LEPROTL1: variants seen among roughly 807,000 people sequenced by gnomAD.
The protein encoded by LEPROTL1 is leptin receptor overlapping transcript-like 1.
In LEPROTL1, 6 loss-of-function variants were observed where a neutral mutation model predicts 15.4. That is an observed-to-expected ratio of 0.39 (90% CI 0.21 to 0.77). The LOEUF (loss-of-function observed/expected upper bound fraction) is 0.77, where lower values mean the gene tolerates loss of function less well. Ranked by LOEUF, LEPROTL1 falls within the 30% of genes least tolerant of loss-of-function variation. The pLI is 0.41. For synonymous variants in LEPROTL1, 56 were observed against 52.6 expected, an observed-to-expected ratio of 1.06 and a Z score of -0.28; for missense variants, 128 against 158.1, an observed-to-expected ratio of 0.81 and a Z score of 1.02.
chr8:30,112,421 T>TTTTTTTTTTTG (rs1802668071), downstream of LEPROTL1, among the ~76,000 whole-genome samples: 1 of 133,180 alleles, frequency 7.5e-6, no homozygotes, highest in Non-Finnish European at 1.6e-5. Flanking sequence ...TTTTTTTTTT[T>TTTTTTTTTTTG]TTTTTTTTTT....
intron 3 of LEPROTL1, among the ~76,000 whole-genome samples, chr8:30,130,171 A>G (rs547506395): frequency 2.8e-4 from 43 of 152,324 alleles, no homozygotes; most frequent in Middle Eastern, 3.4e-3. Flanking sequence ...AAGCTGAGAT[A>G]CCTGTACAGT....
intron 1 of LEPROTL1, among the ~76,000 whole-genome samples, chr8:30,101,561 A>G (rs1439473575): frequency 1.3e-5 from 2 of 151,312 alleles, no homozygotes; most frequent in African/African-American, 4.9e-5. Context: ...CAGCTTACTC[A>G]GGAGGCTGAG....
In LEPROTL1 at chr8:30,108,184, C is replaced by T; in HGVS notation, c.*2322C>T. On this transcript the variant is annotated 3_prime_UTR_variant, in exon 4 of 4. Transcript: ENST00000321250. The stretch of plus-strand genomic sequence containing the variant: ...TGACATTGGTGTAATGTTAGAGTTG[C>T]AGAAGTTTCCATTCCAAAATAAAAT... 2 of 213,056 alleles carry T rather than the reference C, an allele frequency of 9.4e-6. No individual in the cohort carries two copies. The highest frequency in any genetic ancestry group is 1.6e-5 in the Non-Finnish European group (2 of 123,696). The allele number at this position is 213,056 out of a possible 1,614,324, so 13.2% of individuals were successfully genotyped here.
At chr8:30,111,443 G>T (rs188008044), downstream of LEPROTL1, among the ~76,000 whole-genome samples, 5 of 152,284 alleles carry the variant, frequency 3.3e-5, no homozygotes, top group East Asian at 3.9e-4. Context: ...GAAATGTCCA[G>T]TGTATTAGGT....
chr8:30,137,355 A>G, exon 5 of LEPROTL1: 1 of 1,551,682 alleles, frequency 6.4e-7, no homozygotes, highest in Non-Finnish European at 8.7e-7. Flanking sequence ...TGCCTCTCCC[A>G]GCAGCCGCCA....
intron 4 of LEPROTL1, chr8:30,137,173 C>T: frequency 1.1e-6 from 1 of 926,042 alleles, no homozygotes; most frequent in Non-Finnish European, 1.7e-6. Flanking sequence ...CATGAGATCT[C>T]CAGATCACAA....
chr8:30,133,514 CATCTTCCATCCTGAA>C (rs1314526505), intron 4 of LEPROTL1, among the ~76,000 whole-genome samples: 2 of 152,146 alleles, frequency 1.3e-5, no homozygotes, highest in African/African-American at 4.8e-5. Context: ...AGATCCATCC[CATCTTCCATCCTGAA>C]ATCTTCCATC....
intron 4 of LEPROTL1, among the ~76,000 whole-genome samples, chr8:30,136,175 G>T (rs1446515640): frequency 6.6e-6 from 1 of 152,132 alleles, no homozygotes; most frequent in Non-Finnish European, 1.5e-5. Flanking sequence ...TCTAACCCCA[G>T]TACCTCAGAA....
chr8:30,101,953 A>T lies in LEPROTL1; in HGVS notation c.72A>T (p.Gly24=). 6.2e-7 allele frequency: 1 copy of T among 1,607,330 alleles called. No homozygotes were observed. Among genetic ancestry groups the T allele is most frequent in the Non-Finnish European group, 8.5e-7 (1 of 1,175,080 alleles). ...TCGGACTGATGTTTTTGATGCTTGG[A>T]TGTGCCCTTCCAATATACAAGTATG... is the stretch of plus-strand genomic sequence containing the variant. ...GAIGLMFLML[G]CALPIYNKYW... is the part of the protein sequence containing the mutation. The change falls in exon 2 of 4, where the codon GGA becomes GGT. Residue 24 remains glycine, a synonymous_variant. Coordinates refer to ENST00000321250, the MANE Select transcript of LEPROTL1 (RefSeq NM_015344.3).
At chr8:30,112,675 T>C (rs899817441), downstream of LEPROTL1, among the ~76,000 whole-genome samples, 15 of 152,124 alleles carry the variant, frequency 9.9e-5, no homozygotes, top group African/African-American at 3.4e-4. Context: ...TTCTTGATGC[T>C]AGTGGTGTAA....
rs563318253 is a variant in LEPROTL1, at chr8:30,106,393, G to T, written c.*531G>T. The T allele has an allele frequency of 1.0e-5, 10 of 985,826 alleles. No homozygotes were observed. The South Asian group carries it at 3.8e-4, about 37-fold the overall frequency. 61.1% of individuals were successfully genotyped at this position (985,826 alleles called of 1,614,324 possible). ...GCATACGTTATAGACTGTATACTCAGTGCAAATATAGCTGCATTTATACCT... is the reference window on the plus strand; with the variant it reads ...GCATACGTTATAGACTGTATACTCATTGCAAATATAGCTGCATTTATACCT... On this transcript the variant is annotated 3_prime_UTR_variant, in exon 4 of 4. Transcript: ENST00000321250.
Position 30,106,323 on chromosome 8 carries a change from C to T in LEPROTL1, c.*461C>T. 3 of 986,682 alleles carry T rather than the reference C, an allele frequency of 3.0e-6. No homozygotes were observed. The highest frequency in any genetic ancestry group is 3.6e-6 in the Non-Finnish European group (3 of 830,472). The allele number at this position is 986,682 out of a possible 1,614,324, so 61.1% of individuals were successfully genotyped here. ...TTATAAAAATAAGTTTTCAGTCAGT[C>T]AGGATGACATCACTCCCAATGTTAT... On this transcript the variant is annotated 3_prime_UTR_variant, in exon 4 of 4. Transcript: ENST00000321250.
chr8:30,118,383 TTATTA>T (rs996037417), intron 3 of LEPROTL1, among the ~76,000 whole-genome samples: 1 of 152,156 alleles, frequency 6.6e-6, no homozygotes, highest in Non-Finnish European at 1.5e-5. Flanking sequence ...AGCTAGAAGG[TTATTA>T]TATTAATTTG....
Position 30,095,429 on chromosome 8 carries a change from C to T in LEPROTL1, c.-84C>T, listed in dbSNP as rs967632318. On this transcript the variant is annotated 5_prime_UTR_variant, in exon 1 of 4. Coordinates refer to ENST00000321250, the MANE Select transcript of LEPROTL1 (RefSeq NM_015344.3). ...TCGCGCACTTCCGGGTGTTGTCTGG[C>T]CGCCGTAGCGCGTCTTGGGTCTCCC... The T allele has an allele frequency of 3.6e-6, 5 of 1,382,124 alleles. No homozygotes were observed. The highest frequency in any genetic ancestry group is 3.0e-5 in the African/African-American group (2 of 66,048). The allele number at this position is 1,382,124 out of a possible 1,614,324, so 85.6% of individuals were successfully genotyped here. A position where few individuals can be genotyped will look rare whatever the true frequency, so the allele number is the denominator to read the frequency against.
At chr8:30,104,001 C>T (rs1802514581) in intron 2 of LEPROTL1, among the ~76,000 whole-genome samples, 1 of 152,154 alleles carries the variant, frequency 6.6e-6, no homozygotes, top group African/African-American at 2.4e-5. Context: ...CAGGAAATGA[C>T]TGTGGTACAA....
chr8:30,105,888 A>G lies in LEPROTL1; in HGVS notation c.*26A>G. On this transcript the variant is annotated 3_prime_UTR_variant, in exon 4 of 4. Coordinates refer to ENST00000321250, the MANE Select transcript of LEPROTL1 (RefSeq NM_015344.3). ...AAAGAAATTACTGAACTATTGTCAA[A>G]TGGACTTCCTGTCATTTGTTGGCCA... is the stretch of plus-strand genomic sequence containing the variant. The G allele has an allele frequency of 6.8e-7, 1 of 1,479,458 alleles. No individual in the cohort carries two copies. Among genetic ancestry groups the G allele is most frequent in the Non-Finnish European group, 9.0e-7 (1 of 1,111,088 alleles). 91.6% of individuals were successfully genotyped at this position (1,479,458 alleles called of 1,614,324 possible). A position where few individuals can be genotyped will look rare whatever the true frequency, so the allele number is the denominator to read the frequency against.
chr8:30,104,680 C>T, intron 3 of LEPROTL1, 194 bp downstream of exon 3: 1 of 416,048 alleles, frequency 2.4e-6, no homozygotes, highest in Non-Finnish European at 4.2e-6. Flanking sequence ...CTTGGATCTG[C>T]AGCAGCTGTT....
chr8:30,117,981 T>A (rs1399248887), intron 3 of LEPROTL1, among the ~76,000 whole-genome samples: 1 of 151,578 alleles, frequency 6.6e-6, no homozygotes, highest in African/African-American at 2.4e-5. Flanking sequence ...ATGAATCTAC[T>A]GTTTGGGAAA....
intron 3 of LEPROTL1, among the ~76,000 whole-genome samples, chr8:30,128,721 C>T (rs1802943914): frequency 6.6e-6 from 1 of 150,770 alleles, no homozygotes; most frequent in Non-Finnish European, 1.5e-5. Flanking sequence ...CACTGCACTC[C>T]AGCCTGGGTG....
Sources: allele counts gnomAD v4.1 joint callset (sites outside exome capture counted in the v4.1 genomes callset), GRCh38; gene constraint gnomAD v4.1.1; transcripts MANE v1.5; gene names NCBI Gene and HGNC (gene_info 2026-07-23, HGNC 2026-07-21).